Variants in ZNF503 observed in about 807,000 individuals in gnomAD.
ZNF503 encodes the protein NocA-like zinc finger 2.
In ZNF503, 15 loss-of-function variants were observed where a neutral mutation model predicts 34.4. The ratio of observed to expected loss-of-function variants is 0.44; its 90% confidence interval spans 0.29 to 0.67. The LOEUF (loss-of-function observed/expected upper bound fraction) is 0.67. Among genes scored for constraint, ZNF503 ranks in the 30% least tolerant of loss-of-function variants. The probability of loss-of-function intolerance (pLI) is 0.13; values close to 1 mark genes in which losing one functional copy is unlikely to be tolerated. For synonymous variants in ZNF503, 580 were observed against 456.8 expected, an observed-to-expected ratio of 1.27 and a Z score of -3.44; for missense variants, 1,007 against 926.8, an observed-to-expected ratio of 1.09 and a Z score of -1.12.
At chr10:75,337,518 T>C in the ZNF503 span, among the ~76,000 whole-genome samples, 20 of 151,332 alleles carry the variant, frequency 1.3e-4, no homozygotes, top group Admixed American at 5.3e-4. Flanking sequence ...CTCAGGAGGC[T>C]GAGGCAGGAG....
the ZNF503 span, among the ~76,000 whole-genome samples, chr10:75,327,403 C>T: frequency 1.3e-5 from 2 of 152,212 alleles, no homozygotes; most frequent in Admixed American, 1.3e-4. Context: ...GTCCTCCAGG[C>T]ACATCCGTGT....
the ZNF503 span, among the ~76,000 whole-genome samples, chr10:75,290,490 T>C: frequency 1.3e-5 from 2 of 152,298 alleles, no homozygotes; most frequent in East Asian, 3.9e-4. Context: ...GGTCTCTCTA[T>C]GATCTTGGAA....
the ZNF503 span, among the ~76,000 whole-genome samples, chr10:75,364,974 C>T: frequency 6.6e-6 from 1 of 152,160 alleles, no homozygotes; most frequent in Non-Finnish European, 1.5e-5. Flanking sequence ...GAACTTGGCT[C>T]CACTTAGGAG....
At position 75,398,816 on chromosome 10, in the gene ZNF503, G is replaced by C; in HGVS notation, c.1874C>G (p.Pro625Arg). Reference sequence around the variant, plus strand: ...GTAGAGGGCGTAGGGGGAGTAGTACGGTCCGGTGGCGGCGGGCACCGGCAC... The same window carrying C: ...GTAGAGGGCGTAGGGGGAGTAGTACCGTCCGGTGGCGGCGGGCACCGGCAC... ...APVPVPAATG[P>R]YYSPYALYGQ... The change falls in exon 2 of 2, where the codon CCG (proline) becomes CGG (arginine). Residue 625 changes from proline to arginine, a missense_variant. Pro to Arg is a moderately radical substitution (Grantham distance 103). Transcript: ENST00000372524. 1 of 1,496,112 alleles carries C rather than the reference G, an allele frequency of 6.7e-7. No individual in the cohort carries two copies. Among genetic ancestry groups the C allele is most frequent in the Non-Finnish European group, 8.9e-7 (1 of 1,128,844 alleles). 92.7% of individuals were successfully genotyped at this position (1,496,112 alleles called of 1,614,324 possible).
the ZNF503 span, among the ~76,000 whole-genome samples, chr10:75,373,106 C>A: frequency 6.6e-6 from 1 of 152,234 alleles, no homozygotes; most frequent in South Asian, 2.1e-4. Context: ...TCTTCAGGGT[C>A]GTGCACGTAT....
the ZNF503 span, among the ~76,000 whole-genome samples, chr10:75,372,006 T>G: frequency 6.6e-6 from 1 of 152,194 alleles, no homozygotes; most frequent in Non-Finnish European, 1.5e-5. Context: ...CTCTGCTCAT[T>G]GCAACCTCCG....
the ZNF503 span, among the ~76,000 whole-genome samples, chr10:75,389,313 C>T: frequency 1.3e-5 from 2 of 152,206 alleles, no homozygotes; most frequent in Non-Finnish European, 2.9e-5. Context: ...CTTACTCCCT[C>T]TAGTTTCCCA....
At chr10:75,345,966 G>A in the ZNF503 span, among the ~76,000 whole-genome samples, 1 of 152,192 alleles carries the variant, frequency 6.6e-6, no homozygotes, top group Non-Finnish European at 1.5e-5. Flanking sequence ...ATATGGAGGG[G>A]GTCAAACTGT....
At chr10:75,381,222 G>A in the ZNF503 span, among the ~76,000 whole-genome samples, 2 of 151,940 alleles carry the variant, frequency 1.3e-5, no homozygotes, top group African/African-American at 2.4e-5. Flanking sequence ...TTGTTTGTTT[G>A]TTTTGTTTTG....
chr10:75,297,623 A>G, the ZNF503 span, among the ~76,000 whole-genome samples: 2 of 152,198 alleles, frequency 1.3e-5, no homozygotes, highest in Admixed American at 1.3e-4. Flanking sequence ...TCTCACAGAG[A>G]CCCAAGAGCA....
chr10:75,321,718 C>G, the ZNF503 span, among the ~76,000 whole-genome samples: 1 of 152,150 alleles, frequency 6.6e-6, no homozygotes, highest in Non-Finnish European at 1.5e-5. Flanking sequence ...GAAGAAATGT[C>G]TAAGCAGTAT....
the ZNF503 span, among the ~76,000 whole-genome samples, chr10:75,285,217 T>C: frequency 6.6e-6 from 1 of 152,240 alleles, no homozygotes; most frequent in South Asian, 2.1e-4. Context: ...ACTACAGAGT[T>C]GGTGCTGGTA....
chr10:75,349,366 G>A, the ZNF503 span, among the ~76,000 whole-genome samples: 1 of 152,158 alleles, frequency 6.6e-6, no homozygotes, highest in Non-Finnish European at 1.5e-5. Flanking sequence ...ATGTCTTTGA[G>A]TTTGGATTTG....
At chr10:75,354,809 T>C in the ZNF503 span, among the ~76,000 whole-genome samples, 1 of 152,178 alleles carries the variant, frequency 6.6e-6, no homozygotes, top group Admixed American at 6.5e-5. Flanking sequence ...CCTTCCTTTG[T>C]TGTTATTGGG....
At chr10:75,392,456 A>T in the ZNF503 span, among the ~76,000 whole-genome samples, 2 of 152,126 alleles carry the variant, frequency 1.3e-5, no homozygotes, top group African/African-American at 2.4e-5. Flanking sequence ...GTGGGGGGAA[A>T]ATCTAGAGGG....
At chr10:75,381,218 GTTTGTTTTGT>G in the ZNF503 span, among the ~76,000 whole-genome samples, 2 of 152,092 alleles carry the variant, frequency 1.3e-5, no homozygotes, top group Non-Finnish European at 2.9e-5. Context: ...ATTTTTGTTT[GTTTGTTTTGT>G]TTTGTTTTGT....
At chr10:75,320,536 G>T in the ZNF503 span, among the ~76,000 whole-genome samples, 1 of 151,972 alleles carries the variant, frequency 6.6e-6, no homozygotes, top group African/African-American at 2.4e-5. Context: ...GCAATATATA[G>T]GCTGGGCATG....
At chr10:75,319,002 C>T in the ZNF503 span, among the ~76,000 whole-genome samples, 1 of 151,650 alleles carries the variant, frequency 6.6e-6, no homozygotes, top group East Asian at 1.9e-4. Flanking sequence ...CTTTGTTGCC[C>T]AGGTTGGAGT....
chr10:75,354,721 CAAAA>C, the ZNF503 span, among the ~76,000 whole-genome samples: 1 of 152,014 alleles, frequency 6.6e-6, no homozygotes, highest in Non-Finnish European at 1.5e-5. Context: ...TAAAACAAAA[CAAAA>C]CAAACAAACA....
Sources: gnomAD v4.1 joint callset for allele counts (sites outside exome capture counted in the v4.1 genomes callset) on GRCh38, gnomAD v4.1.1 for gene constraint, MANE v1.5 for transcripts, NCBI Gene and HGNC (gene_info 2026-07-23, HGNC 2026-07-21) for gene names.